Variants in OTOP3 observed in about 807,000 individuals in gnomAD.
The protein encoded by OTOP3 is proton channel OTOP3.
OTOP3 carries 41 observed loss-of-function variants against 50.8 expected under a neutral mutation model. That is an observed-to-expected ratio of 0.81 (90% CI 0.63 to 1.05). The LOEUF (loss-of-function observed/expected upper bound fraction) is 1.05, where lower values mean the gene tolerates loss of function less well. Ranked by LOEUF, OTOP3 falls within the 50% of genes least tolerant of loss-of-function variation. The pLI, the probability that OTOP3 is intolerant of heterozygous loss-of-function variation, is 0.00. For synonymous variants in OTOP3, 320 were observed against 324.4 expected, an observed-to-expected ratio of 0.99 and a Z score of 0.14; for missense variants, 788 against 760.8, an observed-to-expected ratio of 1.04 and a Z score of -0.42.
In OTOP3 at chr17:74,949,593, AGGG is replaced by A; in HGVS notation, c.*179_*181del. ...CTGCCTAGAGCCAGAGGCCAACAGC[AGGG>A]GCCTGGACACTGAGCTTCTGATGCC... On this transcript the variant is annotated 3_prime_UTR_variant, in exon 7 of 7. Coordinates refer to ENST00000328801, the MANE Select transcript of OTOP3 (RefSeq NM_001272005.2). The A allele has an allele frequency of 7.1e-6, 5 of 705,960 alleles. No homozygotes were observed. The South Asian group carries it at 9.8e-5, about 14-fold the overall frequency. The allele number at this position is 705,960 out of a possible 1,614,324, so 43.7% of individuals were successfully genotyped here.
Position 74,941,508 on chromosome 17 carries a change from C to G in OTOP3, c.135C>G (p.Pro45=), listed in dbSNP as rs1380786412. Residue 45 remains proline, a synonymous_variant, in exon 2 of 7, where the codon CCC becomes CCG. Coordinates refer to ENST00000328801, the MANE Select transcript of OTOP3 (RefSeq NM_001272005.2). ...AGGAGAGAGCGGCCGCCACCCGGCC[C>G]CGGCAGAAGTCCTGGCTGGTGAGGC... The part of the protein sequence containing the change: ...GAEERAAATR[P]RQKSWLVRHF... 6.2e-7 allele frequency: 1 copy of G among 1,613,542 alleles called. No individual in the cohort carries two copies. The highest frequency in any genetic ancestry group is 2.2e-5 in the East Asian group (1 of 44,860).
Position 74,935,926 on chromosome 17 carries a change from C to T in OTOP3, c.5C>T (p.Pro2Leu). 2 of 1,544,998 alleles carry T rather than the reference C, an allele frequency of 1.3e-6. No individual in the cohort carries two copies. Among genetic ancestry groups the T allele is most frequent in the South Asian group, 1.2e-5 (1 of 84,058 alleles). ...GTCGGTGGTTAGCCCACGGCGATGC[C>T]TCTCCCGGCCTCAGGTAAGCCCGGA... MPLPASAPAEAT... is the reference protein window; with the variant it reads MLLPASAPAEAT... Residue 2 changes from proline to leucine, a missense_variant, in exon 1 of 7, where the codon CCT (proline) becomes CTT (leucine). Pro to Leu is a moderately conservative substitution (Grantham distance 98). Transcript: ENST00000328801.
In OTOP3 at chr17:74,947,197, C is replaced by T. The variant is rs150512631; in HGVS notation, c.1288C>T (p.Arg430Cys). 3.8e-5 allele frequency: 62 copies of T among 1,613,966 alleles called. No individual in the cohort carries two copies. In the African/African-American group the frequency reaches 5.6e-4, roughly 15 times the overall value. The change falls in exon 6 of 7, where the codon CGC becomes TGC. Residue 430 changes from arginine to cysteine, a missense_variant. By Grantham distance (180) the Arg-to-Cys change is radical. Transcript: ENST00000328801. ...VAKRPHELLN[R>C]LILAYSLLLI... ...CAAGCGCCCGCATGAGCTGCTCAAC[C>T]GCCTCATCCTGGCCTACTCGCTGCT...
At chr17:74,942,806 G>A (rs1264161064) in intron 3 of OTOP3, among the ~76,000 whole-genome samples, 6 of 151,912 alleles carry the variant, frequency 3.9e-5, no homozygotes, top group African/African-American at 9.7e-5. Context: ...TTAGCTGGGC[G>A]TGGTGGCAGG....
intron 1 of OTOP3, among the ~76,000 whole-genome samples, chr17:74,940,356 A>C (rs532599981): frequency 1.3e-5 from 2 of 151,922 alleles, no homozygotes; most frequent in African/African-American, 4.8e-5. Context: ...TTTTTAAAAA[A>C]CTAGAACAGT....
In OTOP3 at chr17:74,946,968, C is replaced by T. The variant is rs771328360; in HGVS notation, c.1059C>T (p.Tyr353=). The change falls in exon 6 of 7, where the codon TAC becomes TAT. Residue 353 remains tyrosine, a synonymous_variant. Coordinates refer to ENST00000328801, the MANE Select transcript of OTOP3 (RefSeq NM_001272005.2). ...GTGGCCCTGCCATTGCTTGCCAGTA[C>T]TTCACCCTCTACTATGCCTTCTATG... ...EASGPAIACQ[Y]FTLYYAFYVA... The T allele has an allele frequency of 1.2e-6, 2 of 1,613,624 alleles. No homozygotes were observed. The highest frequency in any genetic ancestry group is 2.2e-5 in the South Asian group (2 of 91,088).
At chr17:74,940,038 A>C (rs1187247606) in intron 1 of OTOP3, among the ~76,000 whole-genome samples, 3 of 149,148 alleles carry the variant, frequency 2.0e-5, no homozygotes, top group Non-Finnish European at 4.5e-5. Flanking sequence ...CCTCCTGAGT[A>C]GTTGGGACTA....
At chr17:74,936,037 G>T in intron 1 of OTOP3, 97 bp downstream of exon 1, 1 of 1,506,276 alleles carries the variant, frequency 6.6e-7, no homozygotes, top group South Asian at 1.2e-5. Flanking sequence ...ACAAGTAGGG[G>T]CTGCAGGGAT....
At chr17:74,939,278 C>A (rs2039148107) in intron 1 of OTOP3, among the ~76,000 whole-genome samples, 1 of 152,162 alleles carries the variant, frequency 6.6e-6, no homozygotes, top group East Asian at 1.9e-4. Flanking sequence ...AAAGGACACC[C>A]AGTTCTCTGC....
In OTOP3 at chr17:74,946,686, C is replaced by T. The variant is rs1164471782; in HGVS notation, c.777C>T (p.Cys259=). The T allele has an allele frequency of 6.2e-7, 1 of 1,611,462 alleles. No individual in the cohort carries two copies. Among genetic ancestry groups the T allele is most frequent in the Non-Finnish European group, 8.5e-7 (1 of 1,179,066 alleles). Residue 259 remains cysteine, a synonymous_variant, in exon 6 of 7, where the codon TGC becomes TGT. Coordinates refer to ENST00000328801, the MANE Select transcript of OTOP3 (RefSeq NM_001272005.2). ...STGNETNTCL[C]LNATACEAFR... ...GCAATGAGACCAACACCTGTCTGTG[C>T]CTCAATGCCACCGCGTGTGAAGCTT...
Position 74,949,839 on chromosome 17 carries a change from G to A in OTOP3, c.*423G>A, listed in dbSNP as rs530160108. 4.5e-4 allele frequency: 72 copies of A among 161,326 alleles called. No individual in the cohort carries two copies. The highest frequency in any genetic ancestry group is 1.3e-3 in the Admixed American group (21 of 15,782). 10.0% of individuals were successfully genotyped at this position (161,326 alleles called of 1,614,324 possible). The stretch of plus-strand genomic sequence containing the variant: ...TGCGAGAAGAGCACCTGGTCCAAGT[G>A]TGGCTCTGGACATCCTCAGAGCTCA... On this transcript the variant is annotated 3_prime_UTR_variant, in exon 7 of 7. Transcript: ENST00000328801.
At chr17:74,947,626 G>T in intron 6 of OTOP3, 151 bp downstream of exon 6, 1 of 795,196 alleles carries the variant, frequency 1.3e-6, no homozygotes, top group African/African-American at 1.7e-5. Flanking sequence ...CAGGGTGCCT[G>T]GCACAAATGA....
chr17:74,945,294 A>G (rs984616103), intron 5 of OTOP3, among the ~76,000 whole-genome samples: 2 of 152,178 alleles, frequency 1.3e-5, no homozygotes, highest in African/African-American at 4.8e-5. Context: ...ATTCCCCCAC[A>G]TGACCACAAT....
rs146359096 is a variant in OTOP3 at position 74,947,120 on chromosome 17, C to G, written c.1211C>G (p.Ala404Gly). The change falls in exon 6 of 7, where the codon GCT (alanine) becomes GGT (glycine). Residue 404 changes from alanine to glycine, a missense_variant. By Grantham distance (60) the Ala-to-Gly change is moderately conservative. Coordinates refer to ENST00000328801, the MANE Select transcript of OTOP3 (RefSeq NM_001272005.2). ...CTGGATGTGGTGCTGCTAATGGGTGCTGCACTGGGCCAGATGGGCATCGCC... is the reference window on the plus strand; with the variant it reads ...CTGGATGTGGTGCTGCTAATGGGTGGTGCACTGGGCCAGATGGGCATCGCC... ...RSLDVVLLMG[A>G]ALGQMGIAYF... 2.0e-5 allele frequency: 32 copies of G among 1,614,146 alleles called. No individual in the cohort carries two copies. In the African/African-American group the frequency reaches 3.3e-4, roughly 17 times the overall value.
In OTOP3 at chr17:74,946,887, C is replaced by T. The variant is rs759933478; in HGVS notation, c.978C>T (p.Gly326=). The T allele has an allele frequency of 1.2e-6, 2 of 1,611,044 alleles. No individual in the cohort carries two copies. Among genetic ancestry groups the T allele is most frequent in the East Asian group, 4.5e-5 (2 of 44,890 alleles). Residue 326 remains glycine, a synonymous_variant, in exon 6 of 7, where the codon GGC becomes GGT. Transcript: ENST00000328801. ...GGGCCATCTTCGGGCCGCTGCTGGGCCTGCTGGTGCTGCTGGCAGGTGTGT... is the reference window on the plus strand; with the variant it reads ...GGGCCATCTTCGGGCCGCTGCTGGGTCTGCTGGTGCTGCTGGCAGGTGTGT... ...LHGAIFGPLL[G]LLVLLAGVCV...
rs1408945005 is a variant in OTOP3, at chr17:74,941,797, C to T, written c.424C>T (p.Leu142Phe). ...CTACCAAGATCCCCACGCGGGGCCC[C>T]TCTGGGTGCGGGGTGAGTGTCAGGT... Reference protein sequence around the residue: ...VLYQDPHAGPLWVRGSLVLFG... With the variant: ...VLYQDPHAGPFWVRGSLVLFG... Residue 142 changes from leucine to phenylalanine, a missense_variant, in exon 2 of 7, where the codon CTC becomes TTC. By Grantham distance (22) the Leu-to-Phe change is conservative. Coordinates refer to ENST00000328801, the MANE Select transcript of OTOP3 (RefSeq NM_001272005.2). 6.2e-7 allele frequency: 1 copy of T among 1,610,418 alleles called. No homozygotes were observed. The highest frequency in any genetic ancestry group is 1.1e-5 in the South Asian group (1 of 90,832).
chr17:74,945,842 A>T (rs576179612), intron 5 of OTOP3, among the ~76,000 whole-genome samples: 2 of 152,322 alleles, frequency 1.3e-5, no homozygotes, highest in South Asian at 2.1e-4. Flanking sequence ...AGTGGAATAC[A>T]GTCATGGGAA....
At chr17:74,948,444 T>C (rs1205570980) in intron 6 of OTOP3, among the ~76,000 whole-genome samples, 1 of 152,194 alleles carries the variant, frequency 6.6e-6, no homozygotes, top group Non-Finnish European at 1.5e-5. Flanking sequence ...GTGGATCATT[T>C]GAGGCCAGGA....
At chr17:74,937,850 G>C (rs2039134009) in intron 1 of OTOP3, among the ~76,000 whole-genome samples, 1 of 152,182 alleles carries the variant, frequency 6.6e-6, no homozygotes, top group African/African-American at 2.4e-5. Flanking sequence ...CAATAGAGGG[G>C]AGTGGCCCCA....
Sources: gnomAD v4.1 joint callset for allele counts (sites outside exome capture counted in the v4.1 genomes callset) on GRCh38, gnomAD v4.1.1 for gene constraint, MANE v1.5 for transcripts, NCBI Gene and HGNC (gene_info 2026-07-23, HGNC 2026-07-21) for gene names.